NNT: variants seen among roughly 807,000 people sequenced by gnomAD.
NNT encodes the protein nicotinamide nucleotide transhydrogenase.
NNT carries 50 observed loss-of-function variants against 104.8 expected under a neutral mutation model. The ratio of observed to expected loss-of-function variants is 0.48; its 90% CI spans 0.38 to 0.60. The LOEUF (loss-of-function observed/expected upper bound fraction) is 0.60, where lower values mean the gene tolerates loss of function less well. NNT is among the 20% of genes least tolerant of loss of function. The pLI is 0.00. For synonymous variants in NNT, 461 were observed against 490.4 expected (o/e 0.94, Z 0.79); for missense variants, 1,131 against 1,330.7 (o/e 0.85, Z 2.33).
rs190070135 is a variant in NNT, at chr5:43,665,828, G to A, written c.2634+6478G>A. On this transcript the variant is annotated intron_variant, in intron 17 of 21. Transcript: ENST00000344920. ...CAGGCAGAGGCGCACCCCACCTCCT[G>A]GACGGGGTGGCTGGCCGGGCAGGGG... Among the ~76,000 whole-genome samples, 110 of 87,874 alleles carry A rather than the reference G, an allele frequency of 1.3e-3. 28 individuals carry two copies. The highest frequency in any genetic ancestry group is 2.3e-3 in the Non-Finnish European group (69 of 29,510). The allele number at this position is 87,874 out of a possible 152,430, so 57.6% of individuals were successfully genotyped here.
chr5:43,703,479 A>T (rs1402935418), intron 21 of NNT, among the ~76,000 whole-genome samples: 1 of 152,224 alleles, frequency 6.6e-6, no homozygotes, highest in Non-Finnish European at 1.5e-5. Context: ...AAATTGTGTC[A>T]GTAGTCAATA....
At chr5:43,608,226 G>A (rs985975611) in intron 1 of NNT, among the ~76,000 whole-genome samples, 3 of 152,206 alleles carry the variant, frequency 2.0e-5, no homozygotes, top group African/African-American at 7.2e-5. Context: ...ACTGCGCCTG[G>A]CTTCTTTCCA....
intron 12 of NNT, among the ~76,000 whole-genome samples, chr5:43,650,936 C>G (rs1458047945): frequency 6.6e-6 from 1 of 152,164 alleles, no homozygotes; most frequent in Non-Finnish European, 1.5e-5. Flanking sequence ...CTTATCCCAG[C>G]CAGGGTTTGT....
At chr5:43,690,873 CT>C (rs1163063396) in intron 19 of NNT, among the ~76,000 whole-genome samples, 3 of 152,084 alleles carry the variant, frequency 2.0e-5, no homozygotes, top group South Asian at 2.1e-4. Flanking sequence ...CTGAAATTTC[CT>C]AGATAAGGCA....
chr5:43,645,675 CTCTCTCTCT>C (rs1251595519), intron 10 of NNT, 165 bp downstream of exon 10: 1 of 90,436 alleles, frequency 1.1e-5, no homozygotes, highest in Non-Finnish European at 2.2e-5. Context: ...CTCTCTCTCT[CTCTCTCTCT>C]ATATATATAT....
At chr5:43,683,570 G>A (rs556005242) in intron 19 of NNT, among the ~76,000 whole-genome samples, 78 of 152,112 alleles carry the variant, frequency 5.1e-4, no homozygotes, top group Non-Finnish European at 1.0e-3. Context: ...TTTAGTATTA[G>A]TTACAGGAAA....
At chr5:43,689,609 G>T (rs1227948876) in intron 19 of NNT, among the ~76,000 whole-genome samples, 1 of 152,102 alleles carries the variant, frequency 6.6e-6, no homozygotes, top group East Asian at 1.9e-4. Context: ...TATTTCGCGT[G>T]TGGCTTACAA....
intron 19 of NNT, among the ~76,000 whole-genome samples, chr5:43,682,208 CTTTTTTTTT>C (rs71610326): frequency 1.0e-5 from 1 of 100,258 alleles, no homozygotes; most frequent in African/African-American, 3.7e-5. Context: ...TAACTGGATT[CTTTTTTTTT>C]TTTTTTTTTT....
rs559472294 is a variant in NNT, at chr5:43,622,361, C to T, written c.688-1671C>T. Among the ~76,000 whole-genome samples, 9 of 152,330 alleles carry T rather than the reference C, an allele frequency of 5.9e-5. No individual in the cohort carries two copies. In the East Asian group the frequency reaches 7.7e-4, roughly 13 times the overall value. ...GAGGGGAAGGTTATATGAGTGAACACGAGCATTGTTCCTAAAGTTATTTCC... is the reference window on the plus strand; with the variant it reads ...GAGGGGAAGGTTATATGAGTGAACATGAGCATTGTTCCTAAAGTTATTTCC... On this transcript the variant is annotated intron_variant, in intron 5 of 21. Coordinates refer to ENST00000344920, the MANE Select transcript of NNT (RefSeq NM_182977.3).
intron 17 of NNT, among the ~76,000 whole-genome samples, chr5:43,667,706 T>C (rs983386604): frequency 6.6e-6 from 1 of 152,218 alleles, no homozygotes; most frequent in Non-Finnish European, 1.5e-5. Context: ...TTTGCTATTG[T>C]GAATAGTGCC....
chr5:43,614,423 C>T (rs1749666289), intron 3 of NNT, among the ~76,000 whole-genome samples: 1 of 152,172 alleles, frequency 6.6e-6, no homozygotes, highest in South Asian at 2.1e-4. Flanking sequence ...TGACAGCGGT[C>T]TCAGCTGAGC....
At chr5:43,613,280 C>G in intron 3 of NNT, 143 bp downstream of exon 3, 1 of 633,414 alleles carries the variant, frequency 1.6e-6, no homozygotes, top group South Asian at 2.2e-5. Flanking sequence ...GACTGCATGT[C>G]GTCATATTCT....
At chr5:43,694,738 T>TTG (rs61079918) in intron 19 of NNT, among the ~76,000 whole-genome samples, 19,308 of 137,656 alleles carry the variant, frequency 0.14, 1,475 homozygotes, top group African/African-American at 0.23. Context: ...GGCCTAAAGT[T>TTG]TGTGTGTGTG....
At chr5:43,660,712 T>C (rs186882475) in intron 17 of NNT, among the ~76,000 whole-genome samples, 1 of 152,266 alleles carries the variant, frequency 6.6e-6, no homozygotes, top group East Asian at 1.9e-4. Context: ...CATCTTACCA[T>C]AGCGGAGAAG....
intron 3 of NNT, 75 bp from the exon 4 acceptor site, chr5:43,615,773 C>T: frequency 9.1e-7 from 1 of 1,098,150 alleles, no homozygotes; most frequent in Admixed American, 2.5e-5. Context: ...GGCATATTAT[C>T]TAAGTTTTCC....
intron 14 of NNT, among the ~76,000 whole-genome samples, chr5:43,655,406 T>A (rs938715543): frequency 3.9e-5 from 6 of 152,220 alleles, no homozygotes; most frequent in Admixed American, 6.5e-5. Flanking sequence ...TTTTGAGTGC[T>A]GACATGACAT....
chr5:43,635,896 T>C (rs988285518), intron 7 of NNT, among the ~76,000 whole-genome samples: 3 of 152,160 alleles, frequency 2.0e-5, no homozygotes, highest in Non-Finnish European at 4.4e-5. Context: ...GGCGTCAACA[T>C]AGGAATTTTG....
intron 18 of NNT, among the ~76,000 whole-genome samples, chr5:43,677,402 G>C (rs1311004482): frequency 2.5e-5 from 3 of 117,818 alleles, no homozygotes; most frequent in Non-Finnish European, 4.9e-5. Context: ...AAAAACATGA[G>C]AGAGAGAGAG....
chr5:43,633,102 A>G (rs750504688), intron 7 of NNT, among the ~76,000 whole-genome samples: 3 of 152,252 alleles, frequency 2.0e-5, no homozygotes, highest in Non-Finnish European at 2.9e-5. Context: ...ATTTAGGGGA[A>G]CCATAGCTAT....
Sources: allele counts gnomAD v4.1 joint callset (sites outside exome capture counted in the v4.1 genomes callset), GRCh38; gene constraint gnomAD v4.1.1; transcripts MANE v1.5; gene names NCBI Gene and HGNC (gene_info 2026-07-23, HGNC 2026-07-21).